Variants in PRICKLE2 observed in about 807,000 individuals in gnomAD.
PRICKLE2 encodes prickle-like protein 2.
A neutral mutation model predicts 81.4 loss-of-function variants in PRICKLE2; 21 were observed. That is an observed-to-expected ratio of 0.26 (90% CI 0.18 to 0.37). The LOEUF (loss-of-function observed/expected upper bound fraction) is 0.37. Among genes scored for constraint, PRICKLE2 ranks in the 10% least tolerant of loss-of-function variants. The probability of loss-of-function intolerance (pLI) is 1.00; values close to 1 mark genes in which losing one functional copy is unlikely to be tolerated. For synonymous variants in PRICKLE2, 456 were observed against 421.5 expected (o/e 1.08, Z -1.00); for missense variants, 940 against 1,109.0 (o/e 0.85, Z 2.16).
At chr3:64,209,421 T>C (rs696228) in intron 1 of PRICKLE2, among the ~76,000 whole-genome samples, 17,861 of 152,186 alleles carry the variant, frequency 0.12, 1,388 homozygotes, top group East Asian at 0.39. Context: ...CATTCATTCA[T>C]ATCCATAAAT....
At position 64,234,762 on chromosome 3, in the gene PRICKLE2, G is replaced by A. The variant is rs372714029; in HGVS notation, c.129-35795C>T. On this transcript the variant is annotated intron_variant, in intron 2 of 8. Coordinates refer to the PRICKLE2 transcript ENST00000295902. ...TGCCAGAACTACAAAGTCAGCTGTC[G>A]TTCCCTTGTAAGTGATGAGTTGTTT... 2.8e-4 allele frequency among the ~76,000 whole-genome samples: 43 copies of A among 152,118 alleles called. No homozygotes were observed. The East Asian group carries it at 4.1e-3, about 14-fold the overall frequency.
chr3:64,265,199 C>T (rs2079681740), intron 2 of PRICKLE2, among the ~76,000 whole-genome samples: 1 of 152,126 alleles, frequency 6.6e-6, no homozygotes, highest in South Asian at 2.1e-4. Context: ...AACTGAATGG[C>T]AATCAAATGC....
intron 1 of PRICKLE2, chr3:64,199,811 A>T (rs547384592): frequency 1.3e-5 from 2 of 152,346 alleles, no homozygotes; most frequent in Admixed American, 1.3e-4. Context: ...CCACCAATAA[A>T]ATAAAAAGAG....
chr3:64,231,158 T>C (rs1304502869), intron 2 of PRICKLE2, among the ~76,000 whole-genome samples: 6 of 152,150 alleles, frequency 3.9e-5, no homozygotes, highest in African/African-American at 1.4e-4. Flanking sequence ...ACACACAAAA[T>C]TTTAACACAG....
chr3:64,153,247 G>A lies in PRICKLE2; in HGVS notation c.722C>T (p.Pro241Leu). The A allele has an allele frequency of 6.2e-7, 1 of 1,614,158 alleles. No homozygotes were observed. Among genetic ancestry groups the A allele is most frequent in the Non-Finnish European group, 8.5e-7 (1 of 1,180,028 alleles). The change falls in exon 6 of 8, where the codon CCC becomes CTC. Residue 241 changes from proline (P) to leucine (L), a missense_variant. Pro to Leu is a moderately conservative substitution (Grantham distance 98). Transcript: ENST00000638394. ...GGACTCGAAGCAGTGGCAACAGTAGGGTCTTCCCTCCTTCATGATGTAGCG... is the reference window on the plus strand; with the variant it reads ...GGACTCGAAGCAGTGGCAACAGTAGAGTCTTCCCTCCTTCATGATGTAGCG... The part of the protein sequence containing the change: ...GQRYIMKEGR[P>L]YCCHCFESLY...
intron 2 of PRICKLE2, among the ~76,000 whole-genome samples, chr3:64,266,656 A>C (rs1336083207): frequency 6.6e-6 from 1 of 152,144 alleles, no homozygotes; most frequent in Non-Finnish European, 1.5e-5. Context: ...AAAGGCCCAG[A>C]TCTTCCCCAA....
chr3:64,149,547 T>G (rs1256511203), intron 6 of PRICKLE2, among the ~76,000 whole-genome samples: 1 of 152,184 alleles, frequency 6.6e-6, no homozygotes, highest in African/African-American at 2.4e-5. Context: ...GACCCCTGCA[T>G]TCTCCTGATG....
intron 6 of PRICKLE2, among the ~76,000 whole-genome samples, chr3:64,148,585 T>C (rs548003480): frequency 2.6e-4 from 39 of 152,292 alleles, no homozygotes; most frequent in Non-Finnish European, 5.0e-4. Context: ...ATGGTGAATG[T>C]TTTCTTCAGA....
intron 6 of PRICKLE2, among the ~76,000 whole-genome samples, chr3:64,148,036 T>C (rs532444135): frequency 6.6e-6 from 1 of 152,374 alleles, no homozygotes; most frequent in South Asian, 2.1e-4. Context: ...TTAAGAGCTT[T>C]ATATATGTAA....
At chr3:64,120,601 G>C (rs1409232291) in intron 7 of PRICKLE2, among the ~76,000 whole-genome samples, 1 of 152,166 alleles carries the variant, frequency 6.6e-6, no homozygotes, top group African/African-American at 2.4e-5. Context: ...CTAAGTCTGA[G>C]ATTCTGAATC....
chr3:64,154,956 C>G (rs2077605991), intron 5 of PRICKLE2: 3 of 151,950 alleles, frequency 2.0e-5, no homozygotes. Context: ...TGAGATGAGC[C>G]TCACCAATAT....
chr3:64,174,264 G>A (rs1365241596), intron 2 of PRICKLE2: 1 of 152,156 alleles, frequency 6.6e-6, no homozygotes, highest in Non-Finnish European at 1.5e-5. Flanking sequence ...TTCTAAGCGT[G>A]CAATATTTGG....
rs1491138692 is a variant in PRICKLE2 at position 64,170,715 on chromosome 3, A to AC, written c.145-7587_145-7586insG. On this transcript the variant is annotated intron_variant, in intron 2 of 7. Coordinates refer to ENST00000638394, the MANE Select transcript of PRICKLE2 (RefSeq NM_198859.4). ...CCTCTAGAAACATTAAAAAAAAAAAAAAAAAAAAAACAGCCTGGCTGTGGT... is the reference window on the plus strand; with the variant it reads ...CCTCTAGAAACATTAAAAAAAAAAAACAAAAAAAAAACAGCCTGGCTGTGGT... Among the ~76,000 whole-genome samples the AC allele has an allele frequency of 2.1e-4, 31 of 150,034 alleles. 1 individual carries two copies. The South Asian group carries it at 4.3e-3, about 21-fold the overall frequency.
At chr3:64,155,649 G>A (rs1421440722) in intron 5 of PRICKLE2, among the ~76,000 whole-genome samples, 1 of 152,132 alleles carries the variant, frequency 6.6e-6, no homozygotes, top group African/African-American at 2.4e-5. Context: ...TTGATACATG[G>A]CTAGACAAAA....
At chr3:64,187,818 G>A (rs117183121) in intron 2 of PRICKLE2, among the ~76,000 whole-genome samples, 2 of 152,208 alleles carry the variant, frequency 1.3e-5, no homozygotes, top group African/African-American at 2.4e-5. Context: ...GAAAGCTAAC[G>A]GTAAAGCTGG....
chr3:64,204,229 C>A lies in PRICKLE2; in HGVS notation c.-40-5262G>T, dbSNP rs566875134. Among the ~76,000 whole-genome samples the A allele has an allele frequency of 2.0e-5, 3 of 151,950 alleles. No homozygotes were observed. The South Asian group carries it at 6.3e-4, about 32-fold the overall frequency. On this transcript the variant is annotated intron_variant, in intron 1 of 7. Transcript: ENST00000638394. ...AGTGCTACTGAAAACCAGAAAGAAG[C>A]AGGATATGGGAGGTCAGGATGGGGA... is the stretch of plus-strand genomic sequence containing the variant.
At chr3:64,190,700 T>C (rs1193647147) in intron 2 of PRICKLE2, among the ~76,000 whole-genome samples, 2 of 152,168 alleles carry the variant, frequency 1.3e-5, no homozygotes, top group Admixed American at 6.5e-5. Flanking sequence ...AAGAAGCCCA[T>C]AGCCAAACCA....
rs764155376 is a variant in PRICKLE2 at position 64,099,146 on chromosome 3, T to G, written c.2440A>C (p.Ser814Arg). ...VTSDELLHKY[S>R]SYGLPKSSTL... ...GAAGATTTGGGGAGGCCGTAGGAGCTGTATTTGTGCAGCAGCTCATCGCTT... is the reference window on the plus strand; with the variant it reads ...GAAGATTTGGGGAGGCCGTAGGAGCGGTATTTGTGCAGCAGCTCATCGCTT... The change falls in exon 8 of 8, where the codon AGC becomes CGC. Residue 814 changes from serine to arginine, a missense_variant. By Grantham distance (110) the Ser-to-Arg change is moderately radical. Around this residue, in one of 2 missense-constraint regions of PRICKLE2, gnomAD observed 670 missense variants for 717.2 expected, o/e 0.93. Transcript: ENST00000638394. The surrounding 1 kb of genome is among the most constrained non-coding windows in gnomAD (Gnocchi z 4.3). The G allele has an allele frequency of 7.4e-6, 12 of 1,614,226 alleles. No individual in the cohort carries two copies. The highest frequency in any genetic ancestry group is 1.0e-5 in the Non-Finnish European group (12 of 1,180,034).
chr3:64,187,950 C>T (rs2078265627), intron 2 of PRICKLE2, among the ~76,000 whole-genome samples: 1 of 152,222 alleles, frequency 6.6e-6, no homozygotes, highest in African/African-American at 2.4e-5. Context: ...GCTGAAGAAA[C>T]AGGGCCAATG....
Sources: gnomAD v4.1 joint callset for allele counts (sites outside exome capture counted in the v4.1 genomes callset) on GRCh38, gnomAD v4.1.1 for gene constraint, gnomAD v4.1.1 regional missense constraint, Gnocchi (gnomAD v3.1) non-coding constraint, MANE v1.5 for transcripts, NCBI Gene and HGNC (gene_info 2026-07-23, HGNC 2026-07-21) for gene names.